Variants in PRKG1 observed in about 807,000 individuals in gnomAD.
The protein encoded by PRKG1 is protein kinase cGMP-dependent 1, also known as cGMP-dependent protein kinase 1.
PRKG1 carries 35 observed loss-of-function variants against 88.1 expected under a neutral mutation model. That is an observed-to-expected ratio of 0.40 (90% CI 0.30 to 0.53). PRKG1 has a LOEUF of 0.53. Among genes scored for constraint, PRKG1 ranks in the 20% least tolerant of loss-of-function variants. The pLI is 0.59. For missense variants in PRKG1, 540 were observed against 839.8 expected (o/e 0.64, Z 4.41); for synonymous variants, 303 against 292.5 (o/e 1.04, Z -0.37).
chr10:51,379,538 C>A (rs1404180914), intron 2 of PRKG1, among the ~76,000 whole-genome samples: 1 of 152,140 alleles, frequency 6.6e-6, no homozygotes, highest in Non-Finnish European at 1.5e-5. Flanking sequence ...ATTCCCTTCC[C>A]TCTTAATAAT....
intron 1 of PRKG1, among the ~76,000 whole-genome samples, chr10:51,029,234 G>A (rs1054516247): frequency 1.3e-5 from 2 of 152,096 alleles, no homozygotes; most frequent in Non-Finnish European, 2.9e-5. Context: ...CAGGTCACAC[G>A]ACTGCACCAA....
At chr10:51,309,410 A>G (rs1486394898) in intron 2 of PRKG1, among the ~76,000 whole-genome samples, 1 of 152,172 alleles carries the variant, frequency 6.6e-6, no homozygotes, top group Non-Finnish European at 1.5e-5. Context: ...CAACAAAAAT[A>G]ACCCCATTAA....
chr10:51,808,852 C>A (rs1010479382), intron 4 of PRKG1, among the ~76,000 whole-genome samples: 1 of 152,120 alleles, frequency 6.6e-6, no homozygotes, highest in Non-Finnish European at 1.5e-5. Context: ...AAGGATCATG[C>A]AAATTATCAG....
chr10:51,783,497 G>T (rs1444135638), intron 3 of PRKG1, among the ~76,000 whole-genome samples: 1 of 152,002 alleles, frequency 6.6e-6, no homozygotes, highest in Admixed American at 6.6e-5. Context: ...GGCCAGGCTG[G>T]TCTCAAACTC....
chr10:51,856,161 C>A (rs1231004585), intron 4 of PRKG1, among the ~76,000 whole-genome samples: 1 of 152,158 alleles, frequency 6.6e-6, no homozygotes, highest in East Asian at 1.9e-4. Context: ...AGGACCCTTG[C>A]AGTTACATTT....
At chr10:51,718,391 G>A (rs909314009) in intron 3 of PRKG1, among the ~76,000 whole-genome samples, 1 of 152,150 alleles carries the variant, frequency 6.6e-6, no homozygotes, top group African/African-American at 2.4e-5. Flanking sequence ...TGTGGGCCGG[G>A]GAAGGCGAGA....
At chr10:52,282,494 G>C (rs16928850) in intron 14 of PRKG1, among the ~76,000 whole-genome samples, 178 bp downstream of exon 14, 1 of 151,958 alleles carries the variant, frequency 6.6e-6, no homozygotes, top group Non-Finnish European at 1.5e-5. Context: ...AATAGTCCAG[G>C]CTAGGGCAAC....
chr10:51,049,692 CTA>C (rs1251141554), intron 1 of PRKG1, among the ~76,000 whole-genome samples: 1 of 152,116 alleles, frequency 6.6e-6, no homozygotes, highest in South Asian at 2.1e-4. Context: ...ATAAAAAGTT[CTA>C]TGTTTTGTGT....
intron 10 of PRKG1, among the ~76,000 whole-genome samples, chr10:52,260,217 T>C (rs1303285107): frequency 6.6e-6 from 1 of 152,080 alleles, no homozygotes; most frequent in Non-Finnish European, 1.5e-5. Context: ...GCTACATGGA[T>C]GAATTGTATC....
intron 9 of PRKG1, among the ~76,000 whole-genome samples, chr10:52,243,015 C>G (rs1344603062): frequency 1.3e-5 from 2 of 151,998 alleles, no homozygotes; most frequent in Non-Finnish European, 2.9e-5. Flanking sequence ...GAATATTTGC[C>G]AATACATTTA....
intron 4 of PRKG1, among the ~76,000 whole-genome samples, chr10:51,889,356 G>A (rs534097565): frequency 7.1e-4 from 108 of 151,800 alleles, no homozygotes; most frequent in African/African-American, 2.1e-3. Context: ...GATGATTTCC[G>A]GCTTCATCCA....
At chr10:51,335,725 C>T (rs913043651) in intron 2 of PRKG1, among the ~76,000 whole-genome samples, 5 of 151,876 alleles carry the variant, frequency 3.3e-5, no homozygotes, top group Non-Finnish European at 5.9e-5. Flanking sequence ...GATATCTGCA[C>T]GAAAATACTA....
chr10:52,054,601 G>A (rs749441869), intron 6 of PRKG1, 40 bp downstream of exon 6: 2 of 1,578,974 alleles, frequency 1.3e-6, no homozygotes, highest in Non-Finnish European at 1.7e-6. Flanking sequence ...CACTAGGGGA[G>A]CCTGGGGTTG....
At chr10:51,721,060 C>A (rs1275021102) in intron 3 of PRKG1, among the ~76,000 whole-genome samples, 3 of 151,374 alleles carry the variant, frequency 2.0e-5, no homozygotes, top group African/African-American at 4.9e-5. Flanking sequence ...AGACAAAAAA[C>A]CAATTAGCTG....
At chr10:52,243,014 C>G (rs1178486217) in intron 9 of PRKG1, among the ~76,000 whole-genome samples, 6 of 152,008 alleles carry the variant, frequency 3.9e-5, no homozygotes, top group Non-Finnish European at 5.9e-5. Context: ...TGAATATTTG[C>G]CAATACATTT....
intron 3 of PRKG1, among the ~76,000 whole-genome samples, chr10:51,505,146 A>G (rs1841156770): frequency 6.6e-6 from 1 of 152,142 alleles, no homozygotes; most frequent in Non-Finnish European, 1.5e-5. Context: ...GATACATCCC[A>G]TCAATACCTA....
At chr10:52,252,306 A>G (rs1171376766) in intron 10 of PRKG1, 1 of 152,154 alleles carries the variant, frequency 6.6e-6, no homozygotes, top group East Asian at 1.9e-4. Flanking sequence ...AATGTGGTGT[A>G]AACAATATGA....
At chr10:51,715,406 A>T (rs1263387733) in intron 3 of PRKG1, among the ~76,000 whole-genome samples, 2 of 152,148 alleles carry the variant, frequency 1.3e-5, no homozygotes, top group Non-Finnish European at 2.9e-5. Context: ...AAAACTCTGG[A>T]CAGAGAGCCC....
chr10:51,392,276 C>T (rs949926589), intron 2 of PRKG1, among the ~76,000 whole-genome samples: 37 of 151,814 alleles, frequency 2.4e-4, no homozygotes, highest in Admixed American at 3.3e-4. Context: ...GAGGACCCTG[C>T]GGCCTTCCGC....
Sources: gnomAD v4.1 joint callset for allele counts (sites outside exome capture counted in the v4.1 genomes callset) on GRCh38, gnomAD v4.1.1 for gene constraint, MANE v1.5 for transcripts, NCBI Gene and HGNC (gene_info 2026-07-23, HGNC 2026-07-21) for gene names.